TAF1B: variants seen among roughly 807,000 people sequenced by gnomAD.
The protein encoded by TAF1B is TATA-box binding protein associated factor, RNA polymerase I subunit B.
Under a neutral mutation model 83.9 loss-of-function variants are expected in TAF1B, and 61 were observed. That is an observed-to-expected ratio of 0.73 (90% CI 0.59 to 0.90). TAF1B has a LOEUF of 0.90. Among genes scored for constraint, TAF1B ranks in the 40% least tolerant of loss-of-function variants. TAF1B has a pLI of 0.00. For synonymous variants in TAF1B, 221 were observed against 224.6 expected, an observed-to-expected ratio of 0.98 and a Z score of 0.14; for missense variants, 625 against 677.0, an observed-to-expected ratio of 0.92 and a Z score of 0.85.
At position 9,861,218 on chromosome 2, in the gene TAF1B, C is replaced by T. The variant is rs576810681; in HGVS notation, c.399+6797C>T. ...CCTAGTCAAAGACAGGGGTGACAGA[C>T]GGCACCTGGAAAATCAGGTCGCTCC... On this transcript the variant is annotated intron_variant, in intron 5 of 14. Transcript: ENST00000263663. Among the ~76,000 whole-genome samples the T allele has an allele frequency of 3.9e-5, 6 of 152,358 alleles. No homozygotes were observed. The South Asian group carries it at 6.2e-4, about 16-fold the overall frequency.
intron 4 of TAF1B, among the ~76,000 whole-genome samples, chr2:9,852,900 G>A (rs907586900): frequency 6.6e-6 from 1 of 152,154 alleles, no homozygotes; most frequent in Admixed American, 6.5e-5. Flanking sequence ...CTGGTGGTTG[G>A]GGCAAGTCCA....
intron 6 of TAF1B, among the ~76,000 whole-genome samples, chr2:9,873,138 A>T (rs984688895): frequency 6.6e-6 from 1 of 152,178 alleles, no homozygotes; most frequent in East Asian, 1.9e-4. Context: ...TGTTGGGCCT[A>T]TTTGCACATC....
chr2:9,864,706 C>G (rs937008590), intron 5 of TAF1B, among the ~76,000 whole-genome samples: 1 of 152,234 alleles, frequency 6.6e-6, no homozygotes, highest in Admixed American at 6.5e-5. Flanking sequence ...TACTGGCAAA[C>G]CGAATCCAGC....
intron 7 of TAF1B, among the ~76,000 whole-genome samples, chr2:9,876,632 G>A (rs557453315): frequency 4.6e-5 from 7 of 152,216 alleles, no homozygotes; most frequent in Non-Finnish European, 7.4e-5. Context: ...CTTTATATGT[G>A]TTCTGAATAG....
chr2:9,905,938 C>T (rs185166263), intron 9 of TAF1B, among the ~76,000 whole-genome samples: 2 of 152,000 alleles, frequency 1.3e-5, no homozygotes, highest in Non-Finnish European at 2.9e-5. Context: ...GAATATGGCT[C>T]TTATTGAGAT....
At chr2:9,892,323 C>G (rs1664894882) in intron 8 of TAF1B, among the ~76,000 whole-genome samples, 1 of 152,178 alleles carries the variant, frequency 6.6e-6, no homozygotes, top group Admixed American at 6.5e-5. Context: ...AATGAAATTA[C>G]CCAATGATGC....
intron 5 of TAF1B, among the ~76,000 whole-genome samples, chr2:9,857,038 A>C (rs927821451): frequency 5.9e-5 from 9 of 152,300 alleles, no homozygotes; most frequent in South Asian, 2.1e-4. Context: ...TGTGCAGAAG[A>C]AGCAAATTAA....
chr2:9,912,083 T>G (rs1054437277), intron 11 of TAF1B, among the ~76,000 whole-genome samples: 1 of 152,230 alleles, frequency 6.6e-6, no homozygotes, highest in African/African-American at 2.4e-5. Context: ...TTCAGACTTT[T>G]GCTAGATGTT....
Position 9,888,812 on chromosome 2 carries a change from T to G in TAF1B, c.807+6007T>G, listed in dbSNP as rs1219207057. On this transcript the variant is annotated intron_variant, in intron 8 of 14. Transcript: ENST00000263663. ...TTGGTTTTTTTTTTTTTTTTTTTTT[T>G]TTTTTTTTAAGACAAATTTTTGCTC... is the stretch of plus-strand genomic sequence containing the variant. Among the ~76,000 whole-genome samples the G allele has an allele frequency of 7.3e-4, 107 of 145,704 alleles. 5 individuals are homozygous for G. Among genetic ancestry groups the G allele is most frequent in the African/African-American group, 2.7e-3 (105 of 38,736 alleles).
intron 14 of TAF1B, among the ~76,000 whole-genome samples, chr2:9,923,679 CAA>C (rs34590203): frequency 6.8e-5 from 10 of 147,846 alleles, no homozygotes; most frequent in East Asian, 2.0e-4. Context: ...AACTCTGTCT[CAA>C]AAAAAAAAAA....
chr2:9,868,847 A>G (rs1339248684), intron 6 of TAF1B: 1 of 357,426 alleles, frequency 2.8e-6, no homozygotes, highest in Non-Finnish European at 5.5e-6. Context: ...AGTAAAATTT[A>G]CCTTGTTACA....
At chr2:9,853,366 A>G (rs182772673) in intron 4 of TAF1B, among the ~76,000 whole-genome samples, 5 of 152,334 alleles carry the variant, frequency 3.3e-5, no homozygotes, top group South Asian at 2.1e-4. Flanking sequence ...AGTTTCTTCA[A>G]TGGTAAAATG....
At position 9,851,650 on chromosome 2, in the gene TAF1B, T is replaced by A; in HGVS notation, c.303+12T>A. 6.3e-7 allele frequency: 1 copy of A among 1,586,866 alleles called. No homozygotes were observed. The highest frequency in any genetic ancestry group is 8.6e-7 in the Non-Finnish European group (1 of 1,165,088). Reference sequence around the variant, plus strand: ...GCCCAGAGTTAAAGGTAAGTACATTTGTGACTAGATGTTAGCTTTACATAT... The same window carrying A: ...GCCCAGAGTTAAAGGTAAGTACATTAGTGACTAGATGTTAGCTTTACATAT... On this transcript the variant is annotated intron_variant, in intron 4 of 14. Coordinates refer to ENST00000263663, the MANE Select transcript of TAF1B (RefSeq NM_005680.3).
At chr2:9,927,634 T>C (rs1334995912) in intron 14 of TAF1B, among the ~76,000 whole-genome samples, 2 of 152,240 alleles carry the variant, frequency 1.3e-5, no homozygotes, top group Non-Finnish European at 2.9e-5. Flanking sequence ...ATGATGAGCA[T>C]TTTTTCATGT....
chr2:9,862,660 A>C (rs1663813529), intron 5 of TAF1B, among the ~76,000 whole-genome samples: 1 of 152,208 alleles, frequency 6.6e-6, no homozygotes, highest in African/African-American at 2.4e-5. Flanking sequence ...ACCAAAGTTG[A>C]AATGAAGGAA....
intron 5 of TAF1B, among the ~76,000 whole-genome samples, chr2:9,856,222 G>C (rs1663562031): frequency 6.6e-6 from 1 of 151,782 alleles, no homozygotes; most frequent in African/African-American, 2.4e-5. Context: ...GAGAAGTTTA[G>C]AGTAGTCAAG....
intron 7 of TAF1B, 130 bp downstream of exon 7, chr2:9,876,148 G>T: frequency 1.2e-6 from 1 of 857,414 alleles, no homozygotes. Context: ...TGAGTAGCCT[G>T]AATTCTAATT....
chr2:9,886,197 A>G (rs1476351516), intron 8 of TAF1B, among the ~76,000 whole-genome samples: 2 of 148,596 alleles, frequency 1.3e-5, no homozygotes, highest in African/African-American at 2.4e-5. Flanking sequence ...AGGGTAATCA[A>G]GCTGTTTGGA....
At chr2:9,905,105 G>A (rs1297187158) in intron 9 of TAF1B, 99 bp downstream of exon 9, 9 of 1,051,056 alleles carry the variant, frequency 8.6e-6, no homozygotes. Context: ...AGAACCACCT[G>A]AAAAGGTCCA....
Sources: gnomAD v4.1 joint callset for allele counts (sites outside exome capture counted in the v4.1 genomes callset) on GRCh38, gnomAD v4.1.1 for gene constraint, MANE v1.5 for transcripts, NCBI Gene and HGNC (gene_info 2026-07-23, HGNC 2026-07-21) for gene names.